Variants in ETV6 observed in about 807,000 individuals in gnomAD.
ETV6 encodes the protein transcription factor ETV6.
Under a neutral mutation model 51.1 loss-of-function variants are expected in ETV6, and 16 were observed. That is an observed-to-expected ratio of 0.31 (90% CI 0.21 to 0.48). ETV6 has a LOEUF of 0.48. Ranked by LOEUF, ETV6 falls within the 20% of genes least tolerant of loss-of-function variation. The pLI is 0.99. For missense variants in ETV6, 458 were observed against 594.8 expected (o/e 0.77, Z 2.39); for synonymous variants, 240 against 224.1 (o/e 1.07, Z -0.64).
intron 1 of ETV6, among the ~76,000 whole-genome samples, chr12:11,659,634 C>G (rs1256365535): frequency 1.3e-5 from 2 of 152,170 alleles, no homozygotes; most frequent in East Asian, 3.8e-4. Flanking sequence ...TTGCCATAAC[C>G]AAAGATGACA....
intron 1 of ETV6, among the ~76,000 whole-genome samples, chr12:11,736,889 A>G (rs999089742): frequency 6.6e-6 from 1 of 152,242 alleles, no homozygotes; most frequent in Non-Finnish European, 1.5e-5. Flanking sequence ...AGCTCATCTA[A>G]TGAGGCTCAT....
At chr12:11,830,399 T>C (rs1461736047) in intron 2 of ETV6, among the ~76,000 whole-genome samples, 1 of 152,266 alleles carries the variant, frequency 6.6e-6, no homozygotes, top group African/African-American at 2.4e-5. Flanking sequence ...CTTAGGTTCA[T>C]TGTGACCTTG....
chr12:11,815,936 G>A (rs2723811), intron 2 of ETV6, among the ~76,000 whole-genome samples: 74,019 of 152,012 alleles, frequency 0.49, 18,062 homozygotes, highest in East Asian at 0.53. Flanking sequence ...CTCTGAAGAT[G>A]GTGCGTTTAA....
intron 1 of ETV6, among the ~76,000 whole-genome samples, chr12:11,672,344 A>G (rs531758750): frequency 2.0e-5 from 3 of 152,250 alleles, no homozygotes; most frequent in African/African-American, 7.2e-5. Flanking sequence ...CTCCAAATAA[A>G]ATCTATCTGC....
intron 1 of ETV6, among the ~76,000 whole-genome samples, chr12:11,739,387 G>A (rs1303324626): frequency 6.6e-6 from 1 of 152,208 alleles, no homozygotes; most frequent in Non-Finnish European, 1.5e-5. Flanking sequence ...TATCCAACCT[G>A]CAGTGCACAT....
At chr12:11,862,805 G>T (rs998363591) in intron 4 of ETV6, among the ~76,000 whole-genome samples, 2 of 152,186 alleles carry the variant, frequency 1.3e-5, no homozygotes, top group African/African-American at 4.8e-5. Flanking sequence ...TTGGGGGAGA[G>T]ATAGTCAACC....
At chr12:11,746,442 G>A (rs1865909837) in intron 1 of ETV6, among the ~76,000 whole-genome samples, 1 of 152,188 alleles carries the variant, frequency 6.6e-6, no homozygotes, top group African/African-American at 2.4e-5. Flanking sequence ...GGCTTCATGG[G>A]AACACATACC....
chr12:11,884,699 T>G, intron 6 of ETV6, 112 bp downstream of exon 6: 1 of 1,348,268 alleles, frequency 7.4e-7, no homozygotes, highest in Admixed American at 2.1e-5. Flanking sequence ...CCATACTTAT[T>G]TAGTTTATTC....
chr12:11,749,274 C>T (rs996045612), intron 1 of ETV6, among the ~76,000 whole-genome samples: 3 of 139,734 alleles, frequency 2.1e-5, no homozygotes, highest in Admixed American at 7.4e-5. Flanking sequence ...TTGGGAAAAT[C>T]GTTATCCCCC....
chr12:11,853,695 T>C (rs1946591332), intron 4 of ETV6, 134 bp downstream of exon 4: 1 of 987,566 alleles, frequency 1.0e-6, no homozygotes, highest in Non-Finnish European at 1.5e-6. Flanking sequence ...GTGCTTACTA[T>C]GTACAAAATA....
chr12:11,820,788 A>G (rs781123593), intron 2 of ETV6, among the ~76,000 whole-genome samples: 2 of 152,188 alleles, frequency 1.3e-5, no homozygotes, highest in Admixed American at 6.5e-5. Context: ...AGAGATAGGA[A>G]GCCACTGGGG....
intron 1 of ETV6, among the ~76,000 whole-genome samples, chr12:11,699,620 G>A (rs552956188): frequency 1.3e-3 from 198 of 152,210 alleles, no homozygotes; most frequent in Non-Finnish European, 2.4e-3. Flanking sequence ...AATAAAGTGC[G>A]GAGAAGGTTT....
At position 11,888,398 on chromosome 12, in the gene ETV6, C is replaced by CT. The variant is rs1555148147; in HGVS notation, c.1253+2388dup. Reference sequence around the variant, plus strand: ...TTTGCTTTTTCTTTTCTTTTCTTTTCTTTTTTTTTTTTTTTTAGACAGAGC... The same window carrying CT: ...TTTGCTTTTTCTTTTCTTTTCTTTTCTTTTTTTTTTTTTTTTTAGACAGAGC... On this transcript the variant is annotated intron_variant, in intron 7 of 7. Transcript: ENST00000396373. Among the ~76,000 whole-genome samples the CT allele has an allele frequency of 3.6e-3, 289 of 80,680 alleles. 1 individual carries two copies. The highest frequency in any genetic ancestry group is 0.012 in the African/African-American group (263 of 22,494). 52.9% of individuals were successfully genotyped at this position (80,680 alleles called of 152,430 possible).
At chr12:11,748,740 C>T (rs1865953849) in intron 1 of ETV6, among the ~76,000 whole-genome samples, 1 of 152,136 alleles carries the variant, frequency 6.6e-6, no homozygotes, top group Admixed American at 6.5e-5. Context: ...GTCACGGGCT[C>T]CTAAGCATTC....
chr12:11,855,680 A>T (rs1355146059), intron 4 of ETV6, among the ~76,000 whole-genome samples: 3 of 152,220 alleles, frequency 2.0e-5, no homozygotes, highest in Non-Finnish European at 2.9e-5. Flanking sequence ...CCTTGTGCCA[A>T]GCATTTCACA....
chr12:11,724,481 G>T (rs958592549), intron 1 of ETV6, among the ~76,000 whole-genome samples: 2 of 152,160 alleles, frequency 1.3e-5, no homozygotes, highest in African/African-American at 4.8e-5. Flanking sequence ...CTCTTTGCTT[G>T]CCCTATGGCT....
At chr12:11,677,148 CTG>C (rs1422725973) in intron 1 of ETV6, among the ~76,000 whole-genome samples, 1 of 152,250 alleles carries the variant, frequency 6.6e-6, no homozygotes, top group African/African-American at 2.4e-5. Context: ...TACAAGGACA[CTG>C]TGGCTCTCTG....
chr12:11,813,086 G>T (rs1377612024), intron 2 of ETV6, among the ~76,000 whole-genome samples: 1 of 152,238 alleles, frequency 6.6e-6, no homozygotes, highest in East Asian at 1.9e-4. Context: ...CTTAGCCAAG[G>T]CTGTGCATGC....
chr12:11,875,934 A>G (rs1292935938), intron 5 of ETV6, among the ~76,000 whole-genome samples: 1 of 152,176 alleles, frequency 6.6e-6, no homozygotes. Context: ...CACCTAAAAC[A>G]TTTATTAGTT....
Sources: gnomAD v4.1 joint callset for allele counts (sites outside exome capture counted in the v4.1 genomes callset) on GRCh38, gnomAD v4.1.1 for gene constraint, MANE v1.5 for transcripts, NCBI Gene and HGNC (gene_info 2026-07-23, HGNC 2026-07-21) for gene names.